Variants in LTBP1 observed in about 807,000 individuals in gnomAD.
LTBP1 encodes the protein latent-transforming growth factor beta-binding protein 1.
LTBP1 carries 129 observed loss-of-function variants against 207.6 expected under a neutral mutation model. The observed-to-expected ratio is 0.62, with a 90% CI of 0.54 to 0.72. The LOEUF is 0.72. Among genes scored for constraint, LTBP1 ranks in the 30% least tolerant of loss-of-function variants. LTBP1 has a pLI of 0.00. For synonymous variants in LTBP1, 963 were observed against 833.7 expected (o/e 1.16, Z -2.67); for missense variants, 2,281 against 2,217.2 (o/e 1.03, Z -0.58).
In LTBP1 at chr2:33,252,843, A is replaced by G; in HGVS notation, c.2166A>G (p.Thr722=). The change falls in exon 11 of 34, where the codon ACA becomes ACG. Residue 722 remains threonine, a splice_region_variant and synonymous_variant. Transcript: ENST00000404816. ...GTGAGAAATGTCCCCTTCCAGGCAC[A>G]GGTAAGACATGCCCAGCTGTATGCG... ...PHCEKCPLPG[T]AAFKEICPGG... is the part of the protein sequence containing the mutation. 6.2e-7 allele frequency: 1 copy of G among 1,600,424 alleles called. No individual in the cohort carries two copies. The highest frequency in any genetic ancestry group is 8.5e-7 in the Non-Finnish European group (1 of 1,170,358).
intron 7 of LTBP1, among the ~76,000 whole-genome samples, chr2:33,190,484 C>T (rs2087739204): frequency 6.6e-6 from 1 of 152,018 alleles, no homozygotes; most frequent in Non-Finnish European, 1.5e-5. Context: ...AGATTGTAGA[C>T]CTGAATGGAA....
rs1252654333 is a variant in LTBP1, at chr2:32,999,425, A to G, written c.566-21484A>G. On this transcript the variant is annotated intron_variant, in intron 2 of 33. Transcript: ENST00000404816. ...TGGTGTGTGGAGACCCCGGTCTAAG[A>G]GTTGGTGCCTAGATTGGAGCCCAAT... Among the ~76,000 whole-genome samples, 2 of 79,284 alleles carry G rather than the reference A, an allele frequency of 2.5e-5. 1 individual carries two copies. The highest frequency in any genetic ancestry group is 5.9e-5 in the Non-Finnish European group (2 of 34,028). The allele number at this position is 79,284 out of a possible 152,430, so 52.0% of individuals were successfully genotyped here.
At chr2:33,253,966 T>C (rs1241142962) in intron 11 of LTBP1, among the ~76,000 whole-genome samples, 2 of 146,354 alleles carry the variant, frequency 1.4e-5, no homozygotes, top group African/African-American at 5.1e-5. Flanking sequence ...CTTGGCTCAC[T>C]GCAAGCTCCG....
chr2:33,135,967 T>TG (rs1553420850), intron 5 of LTBP1, among the ~76,000 whole-genome samples: 15 of 152,086 alleles, frequency 9.9e-5, no homozygotes, highest in South Asian at 2.1e-4. Flanking sequence ...AGTGTGTGTC[T>TG]GGGGGGGTGG....
chr2:33,010,548 T>A (rs916592964), intron 2 of LTBP1, among the ~76,000 whole-genome samples: 4 of 152,140 alleles, frequency 2.6e-5, no homozygotes, highest in African/African-American at 9.7e-5. Context: ...ATAGAAATGA[T>A]AAATATTCGG....
chr2:33,115,328 G>A lies in LTBP1; in HGVS notation c.1033+4577G>A, dbSNP rs149850906. On this transcript the variant is annotated intron_variant, in intron 4 of 33. Transcript: ENST00000404816. ...CCACAGACACGGAAAGAAGATTAGC[G>A]GTTGCCAGGGACAGGGGAGAGTGGG... is the stretch of plus-strand genomic sequence containing the variant. 3.2e-4 allele frequency among the ~76,000 whole-genome samples: 48 copies of A among 152,170 alleles called. No homozygotes were observed. The East Asian group carries it at 8.3e-3, about 26-fold the overall frequency.
rs541348461 is a variant in LTBP1, at chr2:33,000,798, A to G, written c.566-20111A>G. Among the ~76,000 whole-genome samples the G allele has an allele frequency of 3.9e-4, 52 of 134,246 alleles. 9 individuals carry two copies. In the South Asian group the frequency reaches 0.014, roughly 35 times the overall value. The allele number at this position is 134,246 out of a possible 152,430, so 88.1% of individuals were successfully genotyped here. ...CTCAGAAACCCTTAGGATTCCCCCA[A>G]AGTATATTGGAGGCTACCAAGGGGG... On this transcript the variant is annotated intron_variant, in intron 2 of 33. Transcript: ENST00000404816.
chr2:33,223,920 ACTGT>A (rs1210060962), intron 9 of LTBP1, among the ~76,000 whole-genome samples: 9 of 152,310 alleles, frequency 5.9e-5, no homozygotes, highest in Middle Eastern at 3.4e-3. Flanking sequence ...TAAATGATTA[ACTGT>A]CCTACAAAAC....
intron 20 of LTBP1, among the ~76,000 whole-genome samples, chr2:33,298,322 A>G (rs916752340): frequency 1.3e-5 from 2 of 152,260 alleles, no homozygotes; most frequent in Admixed American, 1.3e-4. Context: ...TACTCCTGAC[A>G]TTCTTAGCAA....
chr2:33,387,664 T>C (rs2095278438), intron 31 of LTBP1, among the ~76,000 whole-genome samples: 1 of 152,030 alleles, frequency 6.6e-6, no homozygotes, highest in Admixed American at 6.5e-5. Flanking sequence ...TTCGTCACCC[T>C]CATTCCTCCA....
chr2:33,056,868 C>T (rs1367683917), intron 3 of LTBP1, among the ~76,000 whole-genome samples: 1 of 152,068 alleles, frequency 6.6e-6, no homozygotes, highest in Admixed American at 6.5e-5. Flanking sequence ...CTTTTATTCT[C>T]TTATCCGGCC....
intron 3 of LTBP1, among the ~76,000 whole-genome samples, chr2:33,083,485 G>C (rs1012710295): frequency 6.6e-5 from 10 of 152,076 alleles, no homozygotes; most frequent in African/African-American, 2.2e-4. Flanking sequence ...GACATGTGAT[G>C]AGGGTTGTGT....
chr2:33,219,948 T>A (rs1274646058), intron 8 of LTBP1, among the ~76,000 whole-genome samples: 1 of 152,212 alleles, frequency 6.6e-6, no homozygotes, highest in African/African-American at 2.4e-5. Flanking sequence ...AGTTCACTGA[T>A]GTCTGTGGTT....
At chr2:33,387,373 A>C (rs1226325391) in intron 31 of LTBP1, among the ~76,000 whole-genome samples, 4 of 152,252 alleles carry the variant, frequency 2.6e-5, no homozygotes, top group African/African-American at 9.6e-5. Context: ...CTCTGTTTGA[A>C]GTAGTTCTTT....
intron 26 of LTBP1, among the ~76,000 whole-genome samples, chr2:33,356,549 G>C (rs542913382): frequency 4.9e-4 from 74 of 152,224 alleles, no homozygotes; most frequent in African/African-American, 1.8e-3. Flanking sequence ...CATGGTGGCA[G>C]GCGCCTGTAG....
intron 3 of LTBP1, among the ~76,000 whole-genome samples, chr2:33,082,190 C>T (rs1323054223): frequency 6.6e-6 from 1 of 152,156 alleles, no homozygotes; most frequent in Admixed American, 6.5e-5. Context: ...CCCCTTTTCT[C>T]TCCCTCTTGC....
intron 19 of LTBP1, among the ~76,000 whole-genome samples, chr2:33,292,706 C>T (rs2093798100): frequency 6.6e-6 from 1 of 152,096 alleles, no homozygotes; most frequent in African/African-American, 2.4e-5. Flanking sequence ...TCTTTTTCAC[C>T]TTTCTGTTAA....
intron 32 of LTBP1, among the ~76,000 whole-genome samples, chr2:33,396,778 T>C (rs1046607470): frequency 1.3e-5 from 2 of 152,212 alleles, no homozygotes; most frequent in African/African-American, 4.8e-5. Flanking sequence ...GGTTCTGTTC[T>C]GAGAGTCTGA....
intron 3 of LTBP1, among the ~76,000 whole-genome samples, chr2:33,058,623 C>A (rs2077124354): frequency 6.6e-6 from 1 of 152,104 alleles, no homozygotes; most frequent in East Asian, 1.9e-4. Context: ...TATTATCTTA[C>A]ATTTGTGTTT....
Sources: gnomAD v4.1 joint callset for allele counts (sites outside exome capture counted in the v4.1 genomes callset) on GRCh38, gnomAD v4.1.1 for gene constraint, MANE v1.5 for transcripts, NCBI Gene and HGNC (gene_info 2026-07-23, HGNC 2026-07-21) for gene names.